AP2A2: variants seen among roughly 807,000 people sequenced by gnomAD.
AP2A2 encodes AP-2 complex subunit alpha-2.
AP2A2 carries 32 observed loss-of-function variants against 104.2 expected under a neutral mutation model. That is an observed-to-expected ratio of 0.31 (90% CI 0.23 to 0.41). The LOEUF (loss-of-function observed/expected upper bound fraction) is 0.41, where lower values mean the gene tolerates loss of function less well. AP2A2 is among the 10% of genes least tolerant of loss of function. The pLI is 1.00. For missense variants in AP2A2, 912 were observed against 1,261.0 expected (o/e 0.72, Z 4.19); for synonymous variants, 539 against 533.3 (o/e 1.01, Z -0.15).
chr11:999,056 C>T (rs1331262657), intron 14 of AP2A2, among the ~76,000 whole-genome samples: 1 of 152,128 alleles, frequency 6.6e-6, no homozygotes, highest in Admixed American at 6.6e-5. Flanking sequence ...GGGCAGGACC[C>T]GTGGAGCCCA....
chr11:989,138 A>G (rs1165817234), intron 10 of AP2A2, among the ~76,000 whole-genome samples: 1 of 152,182 alleles, frequency 6.6e-6, no homozygotes, highest in East Asian at 1.9e-4. Context: ...CCTGACAAAC[A>G]TGGGGAAACC....
chr11:998,450 G>T (rs1277306267), intron 14 of AP2A2, among the ~76,000 whole-genome samples: 1 of 148,910 alleles, frequency 6.7e-6, no homozygotes, highest in Non-Finnish European at 1.5e-5. Context: ...TAGTTTTTTT[G>T]AAAGTACAGT....
intron 7 of AP2A2, 119 bp downstream of exon 7, chr11:984,872 A>G (rs1855398710): frequency 7.9e-6 from 7 of 886,136 alleles, no homozygotes; most frequent in African/African-American, 1.6e-5. Context: ...CTCTTGATTC[A>G]TGGACCTTTC....
chr11:999,971 T>A (rs1207207498), intron 14 of AP2A2, among the ~76,000 whole-genome samples: 1 of 151,598 alleles, frequency 6.6e-6, no homozygotes, highest in African/African-American at 2.4e-5. Flanking sequence ...GCCCGGCTAA[T>A]TTTTTTTGTA....
intron 1 of AP2A2, among the ~76,000 whole-genome samples, chr11:938,257 C>G (rs929296241): frequency 6.6e-6 from 1 of 152,188 alleles, no homozygotes; most frequent in Non-Finnish European, 1.5e-5. Flanking sequence ...CCTGTGGCTT[C>G]TCCCATCGCC....
At chr11:928,345 G>A (rs907732885) in intron 1 of AP2A2, among the ~76,000 whole-genome samples, 1 of 152,302 alleles carries the variant, frequency 6.6e-6, no homozygotes, top group Admixed American at 6.5e-5. Flanking sequence ...TAATCTGTAA[G>A]TTAGACTTTT....
At chr11:969,220 C>CT (rs1190722379) in intron 2 of AP2A2, among the ~76,000 whole-genome samples, 7,769 of 47,950 alleles carry the variant, frequency 0.16, 915 homozygotes, top group South Asian at 0.24. Flanking sequence ...TAGAACAGCC[C>CT]TTTTTTTTTT....
intron 4 of AP2A2, among the ~76,000 whole-genome samples, chr11:973,184 G>A (rs1004841952): frequency 4.6e-5 from 7 of 152,228 alleles, no homozygotes; most frequent in African/African-American, 1.4e-4. Flanking sequence ...GAGACAAGGT[G>A]GTGGGAAGGC....
Position 972,130 on chromosome 11 carries a change from C to T in AP2A2, c.348C>T (p.Ile116=). ...TGATCCGCCTGATCAACAACGCCAT[C>T]AAGAATGACCTGGCCAGCCGCAACC... ...SELIRLINNA[I]KNDLASRNPT... Residue 116 remains isoleucine, a synonymous_variant, in exon 4 of 22, where the codon ATC becomes ATT. Coordinates refer to ENST00000448903, the MANE Select transcript of AP2A2 (RefSeq NM_012305.4). 6.2e-7 allele frequency: 1 copy of T among 1,613,698 alleles called. No homozygotes were observed. Among genetic ancestry groups the T allele is most frequent in the Non-Finnish European group, 8.5e-7 (1 of 1,179,794 alleles).
intron 1 of AP2A2, among the ~76,000 whole-genome samples, chr11:947,184 T>G (rs1347812826): frequency 6.6e-6 from 1 of 152,040 alleles, no homozygotes; most frequent in Non-Finnish European, 1.5e-5. Flanking sequence ...CTAATTTTTG[T>G]ATTTTTAGTA....
intron 2 of AP2A2, among the ~76,000 whole-genome samples, chr11:965,273 C>T (rs550068089): frequency 3.2e-4 from 49 of 152,032 alleles, no homozygotes; most frequent in African/African-American, 1.1e-3. Context: ...CAGATGGAAG[C>T]GTGGAGGTGG....
At position 977,082 on chromosome 11, in the gene AP2A2, G is replaced by A. The variant is rs777534562; in HGVS notation, c.474-13G>A. 23 of 1,613,266 alleles carry A rather than the reference G, an allele frequency of 1.4e-5. No homozygotes were observed. Among genetic ancestry groups the A allele is most frequent in the African/African-American group, 6.7e-5 (5 of 74,916 alleles). Reference sequence around the variant, plus strand: ...CAGCCTGTTGCGAGTGACTCTTGACGTCTGTCTTTCAGAGACACTATGGAC... The same window carrying A: ...CAGCCTGTTGCGAGTGACTCTTGACATCTGTCTTTCAGAGACACTATGGAC... On this transcript the variant is annotated splice_polypyrimidine_tract_variant and intron_variant, in intron 4 of 21. Coordinates refer to ENST00000448903, the MANE Select transcript of AP2A2 (RefSeq NM_012305.4).
rs774876840 is a variant in AP2A2 at position 993,272 on chromosome 11, T to C, written c.1453-12T>C. Reference sequence around the variant, plus strand: ...CTGGCTGCCACCCCGGCTCATTGTTTGTGCTTCGCAGGCTCTTCAGGCTCC... The same window carrying C: ...CTGGCTGCCACCCCGGCTCATTGTTCGTGCTTCGCAGGCTCTTCAGGCTCC... On this transcript the variant is annotated splice_polypyrimidine_tract_variant and intron_variant, in intron 11 of 21. Transcript: ENST00000448903. The surrounding 1 kb of genome is among the most constrained non-coding windows in gnomAD (Gnocchi z 8.2). The C allele has an allele frequency of 6.2e-7, 1 of 1,600,640 alleles. No homozygotes were observed. The highest frequency in any genetic ancestry group is 8.5e-7 in the Non-Finnish European group (1 of 1,175,332).
chr11:981,230 C>G lies in AP2A2; in HGVS notation c.636C>G (p.Thr212=). The G allele has an allele frequency of 6.2e-7, 1 of 1,613,546 alleles. No individual in the cohort carries two copies. The highest frequency in any genetic ancestry group is 8.5e-7 in the Non-Finnish European group (1 of 1,179,732). ...TAACTGCAGCCACAAGTCTGATCAC[C>G]ACTTTAGCACAGAAGAACCCAGAAG... ...GVVTAATSLI[T]TLAQKNPEEF... is the part of the protein sequence containing the mutation. The change falls in exon 6 of 22, where the codon ACC becomes ACG. Residue 212 remains threonine (T), a synonymous_variant. Coordinates refer to ENST00000448903, the MANE Select transcript of AP2A2 (RefSeq NM_012305.4).
intron 16 of AP2A2, among the ~76,000 whole-genome samples, chr11:1,006,259 G>A (rs1419815037): frequency 2.0e-5 from 3 of 152,370 alleles, no homozygotes; most frequent in African/African-American, 7.2e-5. Context: ...CACCCATCCC[G>A]TGTGGGTGCG....
intron 1 of AP2A2, among the ~76,000 whole-genome samples, chr11:943,801 G>T (rs1326429398): frequency 2.0e-5 from 3 of 149,242 alleles, no homozygotes; most frequent in Non-Finnish European, 3.0e-5. Context: ...GGAGACGCAG[G>T]TGGCAGCGGA....
chr11:1,009,523 G>C (rs564230075), intron 20 of AP2A2, 126 bp downstream of exon 20: 1 of 1,323,406 alleles, frequency 7.6e-7, no homozygotes, highest in Non-Finnish European at 1.0e-6. Flanking sequence ...GGACGGCCCC[G>C]GGGGACACGC....
chr11:970,631 C>G (rs867382391), intron 3 of AP2A2, among the ~76,000 whole-genome samples: 2 of 152,272 alleles, frequency 1.3e-5, no homozygotes, highest in African/African-American at 4.8e-5. Flanking sequence ...CGGCGAGTTT[C>G]AGGACTGCCC....
chr11:967,929 A>T (rs1445195407), intron 2 of AP2A2, among the ~76,000 whole-genome samples: 1 of 152,198 alleles, frequency 6.6e-6, no homozygotes, highest in African/African-American at 2.4e-5. Flanking sequence ...TAGAATAAAA[A>T]AGTAATTCTA....
Sources: gnomAD v4.1 joint callset for allele counts (sites outside exome capture counted in the v4.1 genomes callset) on GRCh38, gnomAD v4.1.1 for gene constraint, Gnocchi (gnomAD v3.1) non-coding constraint, MANE v1.5 for transcripts, NCBI Gene and HGNC (gene_info 2026-07-23, HGNC 2026-07-21) for gene names.